The following CATSPERT variants were observed in gnomAD, a reference collection of about 807,000 sequenced individuals.
CATSPERT encodes the protein cation channel sperm-associated targeting subunit tau.
the CATSPERT span, among the ~76,000 whole-genome samples, chr2:201,599,550 T>C: frequency 6.6e-6 from 1 of 152,200 alleles, no homozygotes; most frequent in African/African-American, 2.4e-5. Flanking sequence ...AACAATATAT[T>C]ACAATAATTA....
At chr2:201,529,551 A>G in the CATSPERT span, among the ~76,000 whole-genome samples, 1 of 152,190 alleles carries the variant, frequency 6.6e-6, no homozygotes, top group Non-Finnish European at 1.5e-5. Flanking sequence ...ATGGCCCAGA[A>G]GATAAAATTG....
At chr2:201,607,470 A>G in the CATSPERT span, among the ~76,000 whole-genome samples, 1 of 152,172 alleles carries the variant, frequency 6.6e-6, no homozygotes, top group Non-Finnish European at 1.5e-5. Context: ...TGGGAAACCT[A>G]GTGATACCGG....
the CATSPERT span, among the ~76,000 whole-genome samples, chr2:201,616,398 C>T: frequency 2.6e-5 from 4 of 152,082 alleles, no homozygotes; most frequent in Admixed American, 1.3e-4. Flanking sequence ...CAAGGCTGGT[C>T]CAACATATGC....
chr2:201,493,118 T>G, the CATSPERT span: 1 of 1,527,754 alleles, frequency 6.5e-7, no homozygotes, highest in Middle Eastern at 1.7e-4. Context: ...ACATTGAAGA[T>G]GTTTTTTAAA....
chr2:201,586,291 C>T, the CATSPERT span, among the ~76,000 whole-genome samples: 51 of 152,042 alleles, frequency 3.4e-4, no homozygotes, highest in East Asian at 8.9e-3. Context: ...GTCAGTGCCT[C>T]AGTGCCTGTG....
chr2:201,547,385 A>G, the CATSPERT span: 5 of 570,708 alleles, frequency 8.8e-6, no homozygotes, highest in African/African-American at 9.7e-5. Context: ...TACCTGAACC[A>G]TGAAAAATAT....
chr2:201,493,382 G>C, the CATSPERT span: 6 of 1,536,810 alleles, frequency 3.9e-6, no homozygotes, highest in Non-Finnish European at 5.2e-6. Context: ...TGCTCAGAAA[G>C]AGGTTCTGTC....
At chr2:201,493,480 T>C in the CATSPERT span, 1 of 1,537,224 alleles carries the variant, frequency 6.5e-7, no homozygotes. Context: ...AGAACTCTTA[T>C]GGTGTTCTTT....
the CATSPERT span, among the ~76,000 whole-genome samples, chr2:201,562,187 CTTT>C: frequency 1.4e-3 from 174 of 121,236 alleles, no homozygotes; most frequent in African/African-American, 4.6e-3. Context: ...TCTAATAATT[CTTT>C]TTTTTTTTTT....
At chr2:201,573,742 C>T in the CATSPERT span, among the ~76,000 whole-genome samples, 6 of 152,176 alleles carry the variant, frequency 3.9e-5, no homozygotes, top group South Asian at 2.1e-4. Context: ...CTACAACTCC[C>T]GCCTCCCAGG....
chr2:201,536,349 C>A, the CATSPERT span: 1 of 1,551,646 alleles, frequency 6.4e-7, no homozygotes, highest in South Asian at 1.2e-5. Flanking sequence ...AAACAAACTA[C>A]CAGTTAATCA....
At chr2:201,531,160 C>T in the CATSPERT span, among the ~76,000 whole-genome samples, 11 of 151,856 alleles carry the variant, frequency 7.2e-5, no homozygotes, top group Non-Finnish European at 1.0e-4. Flanking sequence ...AGGGTTTCAC[C>T]GTGTTAGCCA....
the CATSPERT span, among the ~76,000 whole-genome samples, chr2:201,595,051 G>A: frequency 6.6e-6 from 1 of 152,208 alleles, no homozygotes; most frequent in East Asian, 1.9e-4. Context: ...GAGGAGAGGC[G>A]CTCTGTTTTT....
the CATSPERT span, among the ~76,000 whole-genome samples, chr2:201,537,244 TA>T: frequency 2.0e-5 from 3 of 151,912 alleles, no homozygotes; most frequent in Non-Finnish European, 4.4e-5. Context: ...TTCATATTTT[TA>T]AATGTTACTA....
At chr2:201,581,543 TG>T in the CATSPERT span, among the ~76,000 whole-genome samples, 1 of 14,868 alleles carries the variant, frequency 6.7e-5, no homozygotes, top group Non-Finnish European at 1.2e-4. Flanking sequence ...TGGAAAAAAA[TG>T]TGTGTATATA....
At chr2:201,549,668 A>G in the CATSPERT span, 1 of 152,124 alleles carries the variant, frequency 6.6e-6, no homozygotes, top group Non-Finnish European at 1.5e-5. Flanking sequence ...TTCAAGATGC[A>G]GCATCATCTA....
At chr2:201,564,553 T>C in the CATSPERT span, among the ~76,000 whole-genome samples, 189 of 152,334 alleles carry the variant, frequency 1.2e-3, no homozygotes, top group African/African-American at 4.4e-3. Flanking sequence ...AAAATTCATA[T>C]GTTGAAATCC....
chr2:201,541,529 TTTTATATATATATATATATATA>T, the CATSPERT span, among the ~76,000 whole-genome samples: 1 of 69,104 alleles, frequency 1.4e-5, no homozygotes, highest in Non-Finnish European at 2.6e-5. Context: ...GCTCAGATGA[TTTTATATATATATATATATATA>T]TATATATATA....
At chr2:201,565,638 G>T in the CATSPERT span, 1 of 1,294,640 alleles carries the variant, frequency 7.7e-7, no homozygotes, top group Non-Finnish European at 1.0e-6. Context: ...GCAAGCCTAT[G>T]TCTCAAAGGG....
Sources: allele counts gnomAD v4.1 joint callset (sites outside exome capture counted in the v4.1 genomes callset), GRCh38; gene constraint gnomAD v4.1.1; transcripts MANE v1.5; gene names NCBI Gene and HGNC (gene_info 2026-07-23, HGNC 2026-07-21).